The following KLHL34 variants were observed in gnomAD, a reference collection of about 807,000 sequenced individuals.
KLHL34 encodes the protein kelch-like protein 34.
In KLHL34, 24 loss-of-function variants were observed where a neutral mutation model predicts 23.8. The ratio of observed to expected loss-of-function variants is 1.01; its 90% confidence interval spans 0.73 to 1.42. The LOEUF is 1.42. Among genes scored for constraint, KLHL34 ranks in the 40% most tolerant of loss-of-function variants. The pLI is 0.00. For synonymous variants in KLHL34, 303 were observed against 287.9 expected, an observed-to-expected ratio of 1.05 and a Z score of -0.53; for missense variants, 652 against 595.1, an observed-to-expected ratio of 1.10 and a Z score of -0.99.
chrX:21,656,710 C>T lies in KLHL34; in HGVS notation c.1079G>A (p.Ser360Asn). ...CAGGAAGTTGCCCGCGGTGCACACG[C>T]TGTGCCCCAGCAGTGGTGTGGGTAG... ...TQLPTPLLGH[S>N]VCTAGNFLFV... Residue 360 changes from serine (S) to asparagine (N), a missense_variant, in exon 1 of 1, where the codon AGC becomes AAC. Ser to Asn is a conservative substitution (Grantham distance 46). Coordinates refer to ENST00000379499, the MANE Select transcript of KLHL34 (RefSeq NM_153270.3). 4 of 1,207,988 alleles carry T rather than the reference C, an allele frequency of 3.3e-6. No individual in the cohort carries two copies. The highest frequency in any genetic ancestry group is 1.8e-5 in the South Asian group (1 of 56,043).
chrX:21,657,723 C>T lies in KLHL34; in HGVS notation c.66G>A (p.Leu22=), dbSNP rs751970705. 5 of 1,202,407 alleles carry T rather than the reference C, an allele frequency of 4.2e-6. No individual in the cohort carries two copies. Among genetic ancestry groups the T allele is most frequent in the Non-Finnish European group, 5.6e-6 (5 of 893,461 alleles). ...GGALLTGYQA[L]RAEGFLCDVT... ...CGTCGCACAGGAAGCCCTCGGCGCGCAGGGCCTGGTAGCCGGTGAGCAGCG... is the reference window on the plus strand; with the variant it reads ...CGTCGCACAGGAAGCCCTCGGCGCGTAGGGCCTGGTAGCCGGTGAGCAGCG... Residue 22 remains leucine (L), a synonymous_variant, in exon 1 of 1, where the codon CTG becomes CTA. Coordinates refer to ENST00000379499, the MANE Select transcript of KLHL34 (RefSeq NM_153270.3).
rs1259948514 is a variant in KLHL34, at chrX:21,655,944, G to T, written c.1845C>A (p.Gly615=). 1 of 1,209,551 alleles carries T rather than the reference G, an allele frequency of 8.3e-7. No homozygotes were observed. Among genetic ancestry groups the T allele is most frequent in the Non-Finnish European group, 1.1e-6 (1 of 895,024 alleles). ...IGCALPWAWS[G]LRCAVLQLAE... ...CCAGCTGCAGCACTGCGCACCGCAG[G>T]CCGCTCCAGGCCCAGGGCAACGCGC... is the stretch of plus-strand genomic sequence containing the variant. The change falls in exon 1 of 1, where the codon GGC becomes GGA. Residue 615 remains glycine, a synonymous_variant. Coordinates refer to ENST00000379499, the MANE Select transcript of KLHL34 (RefSeq NM_153270.3).
Position 21,656,285 on chromosome X carries a change from C to T in KLHL34, c.1504G>A (p.Glu502Lys), listed in dbSNP as rs762143464. The T allele has an allele frequency of 8.3e-7, 1 of 1,202,410 alleles. No homozygotes were observed. Among genetic ancestry groups the T allele is most frequent in the South Asian group, 1.8e-5 (1 of 55,113 alleles). Residue 502 changes from glutamate (E) to lysine (K), a missense_variant, in exon 1 of 1, where the codon GAG (glutamate) becomes AAG (lysine). Coordinates refer to ENST00000379499, the MANE Select transcript of KLHL34 (RefSeq NM_153270.3). ...GCCTTCTTGCTCCAAACCTGCTCCT[C>T]AGGGCCCAGGACGTATAAGTCCCGG... ...SLRDLYVLGP[E>K]EQVWSKKAPM... is the part of the protein sequence containing the mutation.
Position 21,657,164 on chromosome X carries a change from T to G in KLHL34, c.625A>C (p.Thr209Pro). 8.3e-7 allele frequency: 1 copy of G among 1,200,934 alleles called. No individual in the cohort carries two copies. Among genetic ancestry groups the G allele is most frequent in the South Asian group, 1.8e-5 (1 of 55,785 alleles). The change falls in exon 1 of 1, where the codon ACA (threonine) becomes CCA (proline). Residue 209 changes from threonine (T) to proline (P), a missense_variant. Transcript: ENST00000379499. ...GTACAGTGTGCCAGGCGCTCAGTTG[T>G]GGGCTCCTGCCGCAACCAAGCTAAC... ...LALAWLRQEPTTERLAHCTEL... is the reference protein window; with the variant it reads ...LALAWLRQEPPTERLAHCTEL...
At position 21,656,071 on chromosome X, in the gene KLHL34, G is replaced by A; in HGVS notation, c.1718C>T (p.Ala573Val). The change falls in exon 1 of 1, where the codon GCG (alanine) becomes GTG (valine). Residue 573 changes from alanine to valine, a missense_variant. Transcript: ENST00000379499. ...CCACTTGAGGCCGCCCAGCAGCAACGCTGTCTCCTCGACCACGGCCAGCCC... is the reference window on the plus strand; with the variant it reads ...CCACTTGAGGCCGCCCAGCAGCAACACTGTCTCCTCGACCACGGCCAGCCC... ...CYGLAVVEET[A>V]LLLGGLKWRD... The A allele has an allele frequency of 1.7e-6, 2 of 1,194,809 alleles. No individual in the cohort carries two copies. The highest frequency in any genetic ancestry group is 1.1e-6 in the Non-Finnish European group (1 of 886,193).
Position 21,654,913 on chromosome X carries a change from T to C in KLHL34, c.*941A>G, listed in dbSNP as rs1398484978. ...TTACCTGAGACGAAGTTTAAAACTT[T>C]ACCTATTCCTCTTTCCTTTCTCTGT... On this transcript the variant is annotated 3_prime_UTR_variant, in exon 1 of 1. Coordinates refer to ENST00000379499, the MANE Select transcript of KLHL34 (RefSeq NM_153270.3). 8.9e-6 allele frequency: 1 copy of C among 112,206 alleles called. No homozygotes were observed. The highest frequency in any genetic ancestry group is 3.2e-5 in the African/African-American group (1 of 30,839). 9.2% of individuals were successfully genotyped at this position (112,206 alleles called of 1,213,427 possible). A position where few individuals can be genotyped will look rare whatever the true frequency, so the allele number is the denominator to read the frequency against.
At position 21,656,382 on chromosome X, in the gene KLHL34, G is replaced by A. The variant is rs1183608340; in HGVS notation, c.1407C>T (p.Ala469=). ...TGTACACAACACCGCGGTCCCCGAC[G>A]GCCCCCGCGTGACCGTGCAGAGCCC... ...LPRALHGHAG[A]VGDRGVVYIS... is the part of the protein sequence containing the mutation. Residue 469 remains alanine (A), a synonymous_variant, in exon 1 of 1, where the codon GCC becomes GCT. Coordinates refer to ENST00000379499, the MANE Select transcript of KLHL34 (RefSeq NM_153270.3). The A allele has an allele frequency of 1.7e-6, 2 of 1,195,712 alleles. No individual in the cohort carries two copies. Among genetic ancestry groups the A allele is most frequent in the Admixed American group, 4.4e-5 (2 of 44,965 alleles).
At position 21,655,166 on chromosome X, in the gene KLHL34, G is replaced by T. The variant is rs1235981156; in HGVS notation, c.*688C>A. On this transcript the variant is annotated 3_prime_UTR_variant, in exon 1 of 1. Transcript: ENST00000379499. ...GCTGTCTAAAGTCAGGGCAAAAGCA[G>T]CCTAGGGTGACACCGGTGACAGAAA... is the stretch of plus-strand genomic sequence containing the variant. 9.0e-6 allele frequency: 1 copy of T among 110,937 alleles called. No individual in the cohort carries two copies. The highest frequency in any genetic ancestry group is 1.9e-5 in the Non-Finnish European group (1 of 53,033). The allele number at this position is 110,937 out of a possible 1,213,427, so 9.1% of individuals were successfully genotyped here. A position where few individuals can be genotyped will look rare whatever the true frequency, so the allele number is the denominator to read the frequency against.
chrX:21,656,838 T>C lies in KLHL34; in HGVS notation c.951A>G (p.Glu317=). Residue 317 remains glutamate, a synonymous_variant, in exon 1 of 1, where the codon GAA becomes GAG. Coordinates refer to ENST00000379499, the MANE Select transcript of KLHL34 (RefSeq NM_153270.3). ...GQVAAPEPEE[E]EEELEEEEEE... ...CCTCCTCTTCCTCCAACTCTTCCTC[T>C]TCTTCCTCGGGCTCTGGGGCGGCGA... 2.5e-6 allele frequency: 3 copies of C among 1,189,645 alleles called. No individual in the cohort carries two copies. Among genetic ancestry groups the C allele is most frequent in the Non-Finnish European group, 3.4e-6 (3 of 884,782 alleles).
Position 21,655,822 on chromosome X carries a change from C to T in KLHL34, c.*32G>A, listed in dbSNP as rs1341164757. The T allele has an allele frequency of 7.0e-6, 8 of 1,138,457 alleles. No individual in the cohort carries two copies. Among genetic ancestry groups the T allele is most frequent in the Non-Finnish European group, 9.3e-6 (8 of 859,877 alleles). The allele number at this position is 1,138,457 out of a possible 1,213,427, so 93.8% of individuals were successfully genotyped here. On this transcript the variant is annotated 3_prime_UTR_variant, in exon 1 of 1. Transcript: ENST00000379499. The stretch of plus-strand genomic sequence containing the variant: ...AAGACTAACCAAGCGCGACTTTCTC[C>T]TCCATTGCGGAAGGAAACCGGACTG...
In KLHL34 at chrX:21,656,801, A is replaced by ACTC. The variant is rs764929337; in HGVS notation, c.985_987dup (p.Glu329dup). 100 of 1,183,603 alleles carry ACTC rather than the reference A, an allele frequency of 8.4e-5. No individual in the cohort carries two copies. The highest frequency in any genetic ancestry group is 8.9e-5 in the African/African-American group (5 of 56,224). On this transcript the variant is annotated inframe_insertion, in exon 1 of 1. Coordinates refer to ENST00000379499, the MANE Select transcript of KLHL34 (RefSeq NM_153270.3). ...GCCACCACGTTCTGGGTGAGCTCCCACTCCTCCTCCTCCTCCTCTTCCTCC... is the reference window on the plus strand; with the variant it reads ...GCCACCACGTTCTGGGTGAGCTCCCACTCCTCCTCCTCCTCCTCCTCTTCCTCC...
Position 21,657,818 on chromosome X carries a change from G to T in KLHL34, c.-30C>A. ...CCCAGGGCTGGAAGCAGCCTGGTGG[G>T]ACCAGAGGCCTGCTGGGCAGGGCCG... On this transcript the variant is annotated 5_prime_UTR_variant, in exon 1 of 1. Coordinates refer to ENST00000379499, the MANE Select transcript of KLHL34 (RefSeq NM_153270.3). 8.6e-7 allele frequency: 1 copy of T among 1,159,456 alleles called. No individual in the cohort carries two copies. The highest frequency in any genetic ancestry group is 1.2e-6 in the Non-Finnish European group (1 of 868,451).
chrX:21,655,656 G>T lies in KLHL34; in HGVS notation c.*198C>A. 1.4e-6 allele frequency: 1 copy of T among 692,203 alleles called. No individual in the cohort carries two copies. Among genetic ancestry groups the T allele is most frequent in the Non-Finnish European group, 1.9e-6 (1 of 513,632 alleles). The allele number at this position is 692,203 out of a possible 1,213,427, so 57.0% of individuals were successfully genotyped here. A position where few individuals can be genotyped will look rare whatever the true frequency, so the allele number is the denominator to read the frequency against. On this transcript the variant is annotated 3_prime_UTR_variant, in exon 1 of 1. Transcript: ENST00000379499. The stretch of plus-strand genomic sequence containing the variant: ...AGTTGATTCATATAGCCTTCTATTT[G>T]ACCCCCCGCCCCGCTGTCTCCCATT...
chrX:21,656,163 CT>C lies in KLHL34; in HGVS notation c.1625del (p.Glu542GlyfsTer51). ...LGRYEPFSEI[E>X]RYDPGADQWT... is the part of the protein sequence containing the mutation. ...ACTGGTCGGCGCCGGGGTCGTAGCG[CT>C]CGATCTCAGAGAAGGGCTCGTATCG... On this transcript the variant is annotated frameshift_variant, in exon 1 of 1. Transcript: ENST00000379499. LOFTEE classifies it high-confidence loss of function. 8.5e-7 allele frequency: 1 copy of C among 1,176,077 alleles called. No homozygotes were observed.
chrX:21,656,852 C>A lies in KLHL34; in HGVS notation c.937G>T (p.Glu313Ter). The A allele has an allele frequency of 8.4e-7, 1 of 1,187,959 alleles. No homozygotes were observed. The highest frequency in any genetic ancestry group is 2.4e-4 in the Middle Eastern group (1 of 4,251). The change falls in exon 1 of 1, where the codon GAG becomes TAG. Residue 313 changes from glutamate (E) to a stop codon, truncating the protein, a stop_gained. Transcript: ENST00000379499. LOFTEE classifies it high-confidence loss of function. Reference protein sequence around the residue: ...RAARGQVAAPEPEEEEEELEE... With the variant: ...RAARGQVAAP ...AACTCTTCCTCTTCTTCCTCGGGCT[C>A]TGGGGCGGCGACCTGGCCCCTAGCT...
chrX:21,656,180 G>C lies in KLHL34; in HGVS notation c.1609C>G (p.Pro537Ala). 8.5e-7 allele frequency: 1 copy of C among 1,174,674 alleles called. No individual in the cohort carries two copies. The highest frequency in any genetic ancestry group is 1.8e-5 in the African/African-American group (1 of 57,057). ...TCGTAGCGCTCGATCTCAGAGAAGGGCTCGTATCGCCCCAGAAAAGCAAAC... is the reference window on the plus strand; with the variant it reads ...TCGTAGCGCTCGATCTCAGAGAAGGCCTCGTATCGCCCCAGAAAAGCAAAC... ...AVFAFLGRYEPFSEIERYDPG... is the reference protein window; with the variant it reads ...AVFAFLGRYEAFSEIERYDPG... Residue 537 changes from proline to alanine, a missense_variant, in exon 1 of 1, where the codon CCC (proline) becomes GCC (alanine). Physicochemically the swap from Pro to Ala is conservative, Grantham distance 27 (BLOSUM62 -1). Coordinates refer to ENST00000379499, the MANE Select transcript of KLHL34 (RefSeq NM_153270.3).
Position 21,658,034 on chromosome X carries a change from G to A in KLHL34, c.-246C>T, listed in dbSNP as rs1040330985. The stretch of plus-strand genomic sequence containing the variant: ...GGAGGCCCCTAGTAACGGAGGGCGC[G>A]GAATTTGGAGGCTTCCCGGGAGTGT... On this transcript the variant is annotated 5_prime_UTR_variant, in exon 1 of 1. Coordinates refer to ENST00000379499, the MANE Select transcript of KLHL34 (RefSeq NM_153270.3). The A allele has an allele frequency of 2.3e-5, 8 of 350,195 alleles. No individual in the cohort carries two copies. The highest frequency in any genetic ancestry group is 5.3e-5 in the Admixed American group (1 of 18,720). 28.9% of individuals were successfully genotyped at this position (350,195 alleles called of 1,213,427 possible). A position where few individuals can be genotyped will look rare whatever the true frequency, so the allele number is the denominator to read the frequency against.
Position 21,655,916 on chromosome X carries a change from C to A in KLHL34, c.1873G>T (p.Glu625Ter). The change falls in exon 1 of 1, where the codon GAG becomes TAG. Residue 625 changes from glutamate (E) to a stop codon, truncating the protein, a stop_gained. Coordinates refer to ENST00000379499, the MANE Select transcript of KLHL34 (RefSeq NM_153270.3). LOFTEE classifies it low-confidence loss of function (END_TRUNC). ...CCCTCCCTCTCGTCGTCCCCACCCT[C>A]GGCCAGCTGCAGCACTGCGCACCGC... Reference protein sequence around the residue: ...GLRCAVLQLAEGGDDEREGEV... With the variant: ...GLRCAVLQLA The A allele has an allele frequency of 8.3e-7, 1 of 1,208,720 alleles. No individual in the cohort carries two copies. Among genetic ancestry groups the A allele is most frequent in the South Asian group, 1.8e-5 (1 of 56,386 alleles).
chrX:21,656,501 C>T lies in KLHL34; in HGVS notation c.1288G>A (p.Val430Ile). 2 of 1,197,115 alleles carry T rather than the reference C, an allele frequency of 1.7e-6. No homozygotes were observed. The highest frequency in any genetic ancestry group is 2.2e-6 in the Non-Finnish European group (2 of 889,178). ...TCACCGCCCGCACCCAGGCCCCCGA[C>T]GGCCAGGAGCCTCTCGCCCACCGCG... ...CGAVGERLLA[V>I]GGLGAGGEVL... The change falls in exon 1 of 1, where the codon GTC becomes ATC. Residue 430 changes from valine to isoleucine, a missense_variant. Coordinates refer to ENST00000379499, the MANE Select transcript of KLHL34 (RefSeq NM_153270.3).
Sources: allele counts gnomAD v4.1 joint callset, GRCh38; gene constraint gnomAD v4.1.1; transcripts MANE v1.5; gene names NCBI Gene and HGNC (gene_info 2026-07-23, HGNC 2026-07-21).